The following PDE11A variants were observed in gnomAD, a reference collection of about 807,000 sequenced individuals.
The protein encoded by PDE11A is dual 3',5'-cyclic-AMP and -GMP phosphodiesterase 11A.
A neutral mutation model predicts 100.5 loss-of-function variants in PDE11A; 100 were observed. The observed-to-expected ratio is 1.00, with a 90% CI of 0.85 to 1.18. The LOEUF is 1.18. Among genes scored for constraint, PDE11A ranks in the 50% most tolerant of loss-of-function variants. The pLI is 0.00. For synonymous variants in PDE11A, 381 were observed against 420.8 expected, an observed-to-expected ratio of 0.91 and a Z score of 1.16; for missense variants, 1,141 against 1,152.6, an observed-to-expected ratio of 0.99 and a Z score of 0.15.
intron 5 of PDE11A, among the ~76,000 whole-genome samples, chr2:177,873,570 G>A (rs1425285281): frequency 6.6e-6 from 1 of 151,958 alleles, no homozygotes; most frequent in East Asian, 1.9e-4. Flanking sequence ...CCCTTTTTTA[G>A]GTAAATTTCT....
intron 1 of PDE11A, among the ~76,000 whole-genome samples, chr2:178,051,453 G>A (rs1270243067): frequency 3.3e-5 from 5 of 152,162 alleles, no homozygotes; most frequent in African/African-American, 1.2e-4. Context: ...ATCAACTAAC[G>A]GGCAAAATAA....
chr2:177,964,271 AC>A (rs1393354506), intron 2 of PDE11A, among the ~76,000 whole-genome samples: 18 of 152,132 alleles, frequency 1.2e-4, no homozygotes, highest in African/African-American at 3.9e-4. Context: ...TCTTCTATCC[AC>A]CAATCCCTCA....
intron 12 of PDE11A, among the ~76,000 whole-genome samples, chr2:177,713,584 G>A (rs968991079): frequency 2.0e-5 from 3 of 152,036 alleles, no homozygotes; most frequent in African/African-American, 4.8e-5. Context: ...AATTAGCCTC[G>A]CTTGGTGGCA....
rs148308305 is a variant in PDE11A at position 177,707,388 on chromosome 2, G to C, written c.2153+4381C>G. ...AAGGAAGGCTGATTGAATGATACCA[G>C]GAACTCTGAAGTAGCCCAATTTTCA... is the stretch of plus-strand genomic sequence containing the variant. On this transcript the variant is annotated intron_variant, in intron 13 of 19. Transcript: ENST00000286063. 2.2e-3 allele frequency among the ~76,000 whole-genome samples: 334 copies of C among 152,328 alleles called. 1 individual carries two copies. Among genetic ancestry groups the C allele is most frequent in the Admixed American group, 4.6e-3 (70 of 15,308 alleles).
chr2:177,777,096 T>C (rs916229713), intron 9 of PDE11A, among the ~76,000 whole-genome samples: 2 of 152,194 alleles, frequency 1.3e-5, no homozygotes, highest in Non-Finnish European at 2.9e-5. Context: ...CATGCTGAAC[T>C]GTGAGTCAAT....
At chr2:178,034,275 C>A (rs1378847674) in intron 1 of PDE11A, among the ~76,000 whole-genome samples, 2 of 151,868 alleles carry the variant, frequency 1.3e-5, no homozygotes, top group Non-Finnish European at 2.9e-5. Context: ...GACTTTAAAT[C>A]AACAAAGATC....
At chr2:178,049,550 G>C (rs554143403) in intron 1 of PDE11A, among the ~76,000 whole-genome samples, 1 of 152,212 alleles carries the variant, frequency 6.6e-6, no homozygotes, top group Non-Finnish European at 1.5e-5. Flanking sequence ...AGCAGGGCAA[G>C]GCATCGCCTC....
At chr2:177,890,503 T>C (rs1250215281) in intron 4 of PDE11A, among the ~76,000 whole-genome samples, 1 of 152,204 alleles carries the variant, frequency 6.6e-6, no homozygotes, top group Admixed American at 6.5e-5. Flanking sequence ...TCTTATCTAA[T>C]TTCTACTGAA....
rs551737423 is a variant in PDE11A at position 178,027,039 on chromosome 2, T to A, written c.913-12579A>T. Among the ~76,000 whole-genome samples, 56 of 152,324 alleles carry A rather than the reference T, an allele frequency of 3.7e-4. 1 individual carries two copies. The highest frequency in any genetic ancestry group is 3.3e-3 in the South Asian group (16 of 4,830). On this transcript the variant is annotated intron_variant, in intron 1 of 19. Transcript: ENST00000286063. ...GTATTAATCATTTAAGATGCCAATATCTAGCTTTATTGAAACGACCAGTGA... is the reference window on the plus strand; with the variant it reads ...GTATTAATCATTTAAGATGCCAATAACTAGCTTTATTGAAACGACCAGTGA...
rs943409808 is a variant in PDE11A at position 177,664,082 on chromosome 2, C to G, written c.2563-133G>C. The G allele has an allele frequency of 2.3e-5, 15 of 664,602 alleles. No homozygotes were observed. The East Asian group carries it at 4.1e-4, about 18-fold the overall frequency. The allele number at this position is 664,602 out of a possible 1,614,324, so 41.2% of individuals were successfully genotyped here. A position where few individuals can be genotyped will look rare whatever the true frequency, so the allele number is the denominator to read the frequency against. Reference sequence around the variant, plus strand: ...CTTCGCAAATCACAATCAATCTTTACACATACTTTCTTTTCCTTTATCTAT... The same window carrying G: ...CTTCGCAAATCACAATCAATCTTTAGACATACTTTCTTTTCCTTTATCTAT... On this transcript the variant is annotated intron_variant, in intron 18 of 19. Transcript: ENST00000286063.
chr2:177,969,026 C>T (rs1559027819), intron 2 of PDE11A, among the ~76,000 whole-genome samples: 1 of 151,870 alleles, frequency 6.6e-6, no homozygotes, highest in East Asian at 1.9e-4. Flanking sequence ...CCCAAATGTC[C>T]ATCGATGATA....
intron 19 of PDE11A, among the ~76,000 whole-genome samples, chr2:177,638,369 C>A (rs933509348): frequency 1.3e-5 from 2 of 152,108 alleles, no homozygotes; most frequent in Non-Finnish European, 2.9e-5. Flanking sequence ...TTTTTAATAT[C>A]TTCCATGACC....
chr2:177,932,318 T>A (rs1271073912), intron 2 of PDE11A, among the ~76,000 whole-genome samples: 1 of 152,112 alleles, frequency 6.6e-6, no homozygotes, highest in Non-Finnish European at 1.5e-5. Context: ...GAAGCCAGCA[T>A]CACCCTGATA....
At chr2:177,660,719 G>A (rs2080474343) in intron 19 of PDE11A, among the ~76,000 whole-genome samples, 1 of 152,240 alleles carries the variant, frequency 6.6e-6, no homozygotes. Context: ...CAGGCACTGA[G>A]AGTAGTGATA....
intron 2 of PDE11A, among the ~76,000 whole-genome samples, chr2:177,960,665 G>GA (rs35244974): frequency 7.3e-5 from 11 of 149,988 alleles, no homozygotes; most frequent in Admixed American, 2.0e-4. Flanking sequence ...AAGTCAAGAA[G>GA]AAAAAAAAAT....
intron 15 of PDE11A, among the ~76,000 whole-genome samples, chr2:177,689,542 T>C (rs921496600): frequency 2.0e-5 from 3 of 152,170 alleles, no homozygotes; most frequent in Non-Finnish European, 4.4e-5. Flanking sequence ...TCTAGAGAGA[T>C]TTCTGGACTT....
At chr2:177,849,972 T>C (rs956197952) in intron 5 of PDE11A, among the ~76,000 whole-genome samples, 4 of 152,126 alleles carry the variant, frequency 2.6e-5, no homozygotes, top group South Asian at 2.1e-4. Flanking sequence ...AGGTAATTTA[T>C]AGATTCAATG....
At chr2:177,689,016 A>G (rs1574046578) in intron 15 of PDE11A, among the ~76,000 whole-genome samples, 2 of 152,244 alleles carry the variant, frequency 1.3e-5, no homozygotes, top group South Asian at 4.1e-4. Context: ...CTGAAAGTCC[A>G]TAAACATTAG....
At chr2:177,945,616 C>G (rs1360354308) in intron 2 of PDE11A, among the ~76,000 whole-genome samples, 6 of 142,636 alleles carry the variant, frequency 4.2e-5, no homozygotes, top group African/African-American at 1.6e-4. Flanking sequence ...GGAGCCCCTC[C>G]GCCCGGCAGC....
Sources: gnomAD v4.1 joint callset for allele counts (sites outside exome capture counted in the v4.1 genomes callset) on GRCh38, gnomAD v4.1.1 for gene constraint, MANE v1.5 for transcripts, NCBI Gene and HGNC (gene_info 2026-07-23, HGNC 2026-07-21) for gene names.